Variants in USP9Y observed in about 807,000 individuals in gnomAD.
USP9Y encodes the protein ubiquitin specific peptidase 9 Y-linked, also known as ubiquitin carboxyl-terminal hydrolase 9Y.
A neutral mutation model predicts 53.1 loss-of-function variants in USP9Y; 41 were observed. The observed-to-expected ratio is 0.77, with a 90% CI of 0.60 to 1.00. USP9Y has a LOEUF of 1.00. USP9Y is among the 50% of genes least tolerant of loss of function. USP9Y has a pLI of 0.00. For missense variants in USP9Y, 567 were observed against 535.8 expected (o/e 1.06, Z -0.58); for synonymous variants, 220 against 173.7 (o/e 1.27, Z -2.09).
intron 10 of USP9Y, 75 bp from the exon 11 acceptor site, chrY:12,738,082 G>T: frequency 4.7e-5 from 12 of 256,311 alleles, no homozygotes; most frequent in Admixed American, 1.2e-4. Context: ...TTTAGAAGTT[G>T]GAGACATGTT....
At chrY:12,835,665 C>A (rs1022735285) in intron 34 of USP9Y, among the ~76,000 whole-genome samples, 1 of 32,718 alleles carries the variant, frequency 3.1e-5, no homozygotes, top group Non-Finnish European at 7.5e-5. Context: ...ATACAAAAAA[C>A]TTATCTGGGC....
rs1161972561 is a variant in USP9Y at position 12,722,121 on chromosome Y, G to A, written c.259G>A (p.Val87Ile). Residue 87 changes from valine (V) to isoleucine (I), a missense_variant, in exon 5 of 46, where the codon GTT becomes ATT. Transcript: ENST00000338981. ...DDMINRPRWV[V>I]PVLPKGELEV... Reference sequence around the variant, plus strand: ...AATAATCCTTAGGCCTCGATGGGTGGTTCCTGTTTTGCCAAAAGGGGAATT... The same window carrying A: ...AATAATCCTTAGGCCTCGATGGGTGATTCCTGTTTTGCCAAAAGGGGAATT... The A allele has an allele frequency of 2.5e-6, 1 of 396,119 alleles. No individual in the cohort carries two copies.
intron 12 of USP9Y, among the ~76,000 whole-genome samples, chrY:12,746,544 A>G: frequency 6.0e-5 from 2 of 33,406 alleles, no homozygotes; most frequent in African/African-American, 2.3e-4. Flanking sequence ...AAGTTTTGCA[A>G]TCTTTTTCAG....
intron 42 of USP9Y, 95 bp from the exon 43 acceptor site, chrY:12,856,245 A>T: frequency 4.2e-6 from 1 of 237,099 alleles, no homozygotes; most frequent in Non-Finnish European, 6.9e-6. Context: ...AGATTATATG[A>T]TTACATCAAA....
At chrY:12,708,454 G>A in intron 1 of USP9Y, among the ~76,000 whole-genome samples, 180 bp from the exon 2 acceptor site, 1 of 33,642 alleles carries the variant, frequency 3.0e-5, no homozygotes, top group South Asian at 6.6e-4. Flanking sequence ...TGGTTTTGGA[G>A]AAATATGGTA....
Position 12,701,446 on chromosome Y carries a change from G to GT in USP9Y, c.-729dup. On this transcript the variant is annotated 5_prime_UTR_variant, in exon 1 of 46. It introduces an in-frame stop codon into an upstream open reading frame of the 5' UTR. Transcript: ENST00000338981. Reference sequence around the variant, plus strand: ...AGTTAAGAAACTTAGATTTGCCATTGTAGCTTTTCTACCAATTAGCAGATT... The same window carrying GT: ...AGTTAAGAAACTTAGATTTGCCATTGTTAGCTTTTCTACCAATTAGCAGATT... 3.0e-5 allele frequency: 1 copy of GT among 33,898 alleles called. No individual in the cohort carries two copies. The highest frequency in any genetic ancestry group is 7.3e-5 in the Non-Finnish European group (1 of 13,660). 8.5% of individuals were successfully genotyped at this position (33,898 alleles called of 400,897 possible). A position where few individuals can be genotyped will look rare whatever the true frequency, so the allele number is the denominator to read the frequency against.
At chrY:12,812,680 C>T (rs2053532119) in intron 30 of USP9Y, 150 bp from the exon 31 acceptor site, 1 of 142,780 alleles carries the variant, frequency 7.0e-6, no homozygotes, top group Non-Finnish European at 1.3e-5. Flanking sequence ...ATTAATTGTA[C>T]TCGGGTTTTT....
intron 45 of USP9Y, 151 bp downstream of exon 45, chrY:12,857,812 C>G: frequency 1.4e-5 from 2 of 147,737 alleles, no homozygotes; most frequent in Admixed American, 1.2e-4. Context: ...TCCAAACCAA[C>G]ATGGAGTGAA....
At chrY:12,836,485 A>T (rs2148291536) in intron 34 of USP9Y, among the ~76,000 whole-genome samples, 1 of 33,087 alleles carries the variant, frequency 3.0e-5, no homozygotes, top group East Asian at 8.0e-4. Flanking sequence ...TTAGCTTTAA[A>T]GTAGGGATGG....
Position 12,736,210 on chromosome Y carries a change from T to C in USP9Y, c.986T>C (p.Ile329Thr). The C allele has an allele frequency of 5.1e-6, 2 of 388,409 alleles. No individual in the cohort carries two copies. The highest frequency in any genetic ancestry group is 1.6e-4 in the Admixed American group (2 of 12,604). Residue 329 changes from isoleucine to threonine, a missense_variant, in exon 9 of 46, where the codon ATA becomes ACA. Transcript: ENST00000338981. ...AGAATTTCAGGACAAGATGAGACTA[T>C]AAAAAATTTGGAAATTTTTAGGTTA... ...ASRISGQDET[I>T]KNLEIFRLKM...
chrY:12,856,250 A>G, intron 42 of USP9Y, 90 bp from the exon 43 acceptor site: 5 of 248,501 alleles, frequency 2.0e-5, no homozygotes, highest in Non-Finnish European at 3.2e-5. Flanking sequence ...ATATGATTAC[A>G]TCAAAAAAGT....
intron 33 of USP9Y, among the ~76,000 whole-genome samples, chrY:12,830,091 G>T: frequency 1.2e-4 from 4 of 33,634 alleles, no homozygotes; most frequent in African/African-American, 4.6e-4. Context: ...AATTGCTTGT[G>T]TCCCAGCAAT....
At chrY:12,844,207 C>T in intron 39 of USP9Y, among the ~76,000 whole-genome samples, 3 of 32,914 alleles carry the variant, frequency 9.1e-5, no homozygotes, top group African/African-American at 3.5e-4. Context: ...AGCACATACA[C>T]TTTTATATCT....
chrY:12,726,297 G>T, intron 6 of USP9Y, among the ~76,000 whole-genome samples: 1 of 33,500 alleles, frequency 3.0e-5, no homozygotes, highest in Non-Finnish European at 7.4e-5. Flanking sequence ...GTGGCAATTT[G>T]TGTGTCCTGT....
At chrY:12,786,870 A>G in intron 24 of USP9Y, 70 bp downstream of exon 24, 10 of 212,842 alleles carry the variant, frequency 4.7e-5, no homozygotes, top group Admixed American at 1.3e-4. Context: ...CTCTGTAATA[A>G]TTATTAATTA....
At chrY:12,703,813 C>G (rs2053417854) in intron 1 of USP9Y, among the ~76,000 whole-genome samples, 1 of 33,147 alleles carries the variant, frequency 3.0e-5, no homozygotes, top group Non-Finnish European at 7.4e-5. Flanking sequence ...GCTGATTGGT[C>G]TGTTTACAAT....
chrY:12,722,590 A>T, intron 5 of USP9Y, among the ~76,000 whole-genome samples: 1 of 33,062 alleles, frequency 3.0e-5, no homozygotes, highest in Non-Finnish European at 7.4e-5. Flanking sequence ...AATATTTTCC[A>T]GAATATGAGG....
intron 25 of USP9Y, 116 bp from the exon 26 acceptor site, chrY:12,791,383 G>A: frequency 4.1e-6 from 1 of 245,891 alleles, no homozygotes; most frequent in South Asian, 4.0e-5. Flanking sequence ...CAGGTCTGAT[G>A]CATGTTTACT....
At chrY:12,726,841 G>T in intron 7 of USP9Y, 48 bp downstream of exon 7, 1 of 315,386 alleles carries the variant, frequency 3.2e-6, no homozygotes, top group Non-Finnish European at 4.8e-6. Context: ...TTTTTTATTT[G>T]CATTTGCCAC....
Sources: gnomAD v4.1 joint callset for allele counts (sites outside exome capture counted in the v4.1 genomes callset) on GRCh38, gnomAD v4.1.1 for gene constraint, MANE v1.5 for transcripts, NCBI Gene and HGNC (gene_info 2026-07-23, HGNC 2026-07-21) for gene names.